Variants in MYSM1 observed in about 807,000 individuals in gnomAD.
MYSM1 encodes Myb like, SWIRM and MPN domains 1.
A neutral mutation model predicts 116.0 loss-of-function variants in MYSM1; 51 were observed. That is an observed-to-expected ratio of 0.44 (90% CI 0.35 to 0.56). The LOEUF (loss-of-function observed/expected upper bound fraction) is 0.56. Ranked by LOEUF, MYSM1 falls within the 20% of genes least tolerant of loss-of-function variation. The probability of loss-of-function intolerance (pLI) is 0.00; values close to 1 mark genes in which losing one functional copy is unlikely to be tolerated. For synonymous variants in MYSM1, 313 were observed against 315.2 expected, an observed-to-expected ratio of 0.99 and a Z score of 0.07; for missense variants, 900 against 974.9, an observed-to-expected ratio of 0.92 and a Z score of 1.02.
In MYSM1 at chr1:58,695,111, T is replaced by C. The variant is rs770205889; in HGVS notation, c.147+18A>G. 6 of 1,526,340 alleles carry C rather than the reference T, an allele frequency of 3.9e-6. No individual in the cohort carries two copies. In the Admixed American group the frequency reaches 5.0e-5, roughly 13 times the overall value. The allele number at this position is 1,526,340 out of a possible 1,614,324, so 94.5% of individuals were successfully genotyped here. A position where few individuals can be genotyped will look rare whatever the true frequency, so the allele number is the denominator to read the frequency against. ...AAATAACAGCTTAATGCACCTGATA[T>C]TTTTATAAAATACTTACAATAAGGC... On this transcript the variant is annotated intron_variant, in intron 2 of 19. Transcript: ENST00000472487.
At position 58,665,613 on chromosome 1, in the gene MYSM1, C is replaced by T. The variant is rs759777272; in HGVS notation, c.2050G>A (p.Gly684Ser). ...AKYQSYFSRG[G>S]AKFIGMIVSP... ...ACAATCATCCCAATGAACTTTGCACCTCCTCTGGAGAAGTAACTCTACAAT... is the reference window on the plus strand; with the variant it reads ...ACAATCATCCCAATGAACTTTGCACTTCCTCTGGAGAAGTAACTCTACAAT... The change falls in exon 17 of 20, where the codon GGT becomes AGT. Residue 684 changes from glycine (G) to serine (S), a missense_variant. Around this residue, in one of 3 missense-constraint regions of MYSM1, gnomAD observed 186 missense variants for 196.2 expected, o/e 0.95. Coordinates refer to ENST00000472487, the MANE Select transcript of MYSM1 (RefSeq NM_001085487.3). 1 of 1,564,812 alleles carries T rather than the reference C, an allele frequency of 6.4e-7. No homozygotes were observed. Among genetic ancestry groups the T allele is most frequent in the South Asian group, 1.1e-5 (1 of 87,926 alleles).
chr1:58,656,820 C>T lies in MYSM1; in HGVS notation c.*3177G>A, dbSNP rs529968913. ...AGGCCCACAGTTTTTTAGAAGCCCACAAAAATGTTTTAATTTTTTTTAGCC... is the reference window on the plus strand; with the variant it reads ...AGGCCCACAGTTTTTTAGAAGCCCATAAAAATGTTTTAATTTTTTTTAGCC... On this transcript the variant is annotated 3_prime_UTR_variant, in exon 20 of 20. Transcript: ENST00000472487. 4 of 152,194 alleles carry T rather than the reference C, an allele frequency of 2.6e-5. No homozygotes were observed. In the East Asian group the frequency reaches 7.7e-4, roughly 29 times the overall value. The allele number at this position is 152,194 out of a possible 1,614,324, so 9.4% of individuals were successfully genotyped here.
intron 17 of MYSM1, among the ~76,000 whole-genome samples, chr1:58,662,597 G>C (rs975204252): frequency 2.0e-5 from 3 of 150,722 alleles, no homozygotes; most frequent in African/African-American, 7.3e-5. Flanking sequence ...ACATAATACT[G>C]CCTCAACTGG....
intron 1 of MYSM1, among the ~76,000 whole-genome samples, chr1:58,699,251 G>C (rs1358276431): frequency 6.6e-6 from 1 of 152,156 alleles, no homozygotes; most frequent in Non-Finnish European, 1.5e-5. Context: ...TCCCTTACTG[G>C]ATTCTCACAG....
chr1:58,692,877 T>G lies in MYSM1; in HGVS notation c.202A>C (p.Met68Leu). The stretch of plus-strand genomic sequence containing the variant: ...AAAGGATACTCTTCTTCCAACAACA[T>G]TTTCTCAATAACAGCTCTGTTCTCT... ...SEENRAVIEK[M>L]LLEEEYYLSK... The change falls in exon 3 of 20, where the codon ATG becomes CTG. Residue 68 changes from methionine to leucine, a missense_variant. Coordinates refer to ENST00000472487, the MANE Select transcript of MYSM1 (RefSeq NM_001085487.3). 6.2e-7 allele frequency: 1 copy of G among 1,609,994 alleles called. No homozygotes were observed. Among genetic ancestry groups the G allele is most frequent in the Non-Finnish European group, 8.5e-7 (1 of 1,178,374 alleles).
chr1:58,700,028 C>A lies in MYSM1; in HGVS notation c.25G>T (p.Asp9Tyr), dbSNP rs1330125321. 6.2e-7 allele frequency: 1 copy of A among 1,613,782 alleles called. No homozygotes were observed. The highest frequency in any genetic ancestry group is 1.7e-5 in the Admixed American group (1 of 60,028). The change falls in exon 1 of 20, where the codon GAT becomes TAT. Residue 9 changes from aspartate to tyrosine, a missense_variant. Around this residue, in one of 3 missense-constraint regions of MYSM1, gnomAD observed 622 missense variants for 623.7 expected, o/e 1.00. Coordinates refer to ENST00000472487, the MANE Select transcript of MYSM1 (RefSeq NM_001085487.3). MAAEEADVDIEGDVVAAAG... is the reference protein window; with the variant it reads MAAEEADVYIEGDVVAAAG... ...GCCGCTACCACGTCCCCTTCGATATCCACATCCGCCTCTTCAGCCGCCATG... is the reference window on the plus strand; with the variant it reads ...GCCGCTACCACGTCCCCTTCGATATACACATCCGCCTCTTCAGCCGCCATG...
chr1:58,692,960 T>C lies in MYSM1; in HGVS notation c.148-29A>G, dbSNP rs12097333. 904,587 of 1,537,406 alleles carry C rather than the reference T, an allele frequency of 0.59. 267,942 individuals are homozygous for C. The highest frequency in any genetic ancestry group is 0.62 in the East Asian group (27,178 of 43,766). On this transcript the variant is annotated intron_variant, in intron 2 of 19. Transcript: ENST00000472487. Reference sequence around the variant, plus strand: ...TTAAAAAAGAGAATATATTTGTCTTTTTATTTATTGCTTTTTGAAATTATC... The same window carrying C: ...TTAAAAAAGAGAATATATTTGTCTTCTTATTTATTGCTTTTTGAAATTATC...
rs557362469 is a variant in MYSM1 at position 58,664,574 on chromosome 1, T to G, written c.2164+925A>C. Among the ~76,000 whole-genome samples, 835 of 152,310 alleles carry G rather than the reference T, an allele frequency of 5.5e-3. 5 individuals are homozygous for G. Among genetic ancestry groups the G allele is most frequent in the African/African-American group, 0.019 (772 of 41,568 alleles). On this transcript the variant is annotated intron_variant, in intron 17 of 19. Coordinates refer to ENST00000472487, the MANE Select transcript of MYSM1 (RefSeq NM_001085487.3). ...GATACATAAAGAATAAAGCAACTAA[T>G]AGTAAATAACATGGGGGCAGTGCTG...
At chr1:58,673,778 C>A in intron 10 of MYSM1, 128 bp from the exon 11 acceptor site, 2 of 742,766 alleles carry the variant, frequency 2.7e-6, no homozygotes, top group Non-Finnish European at 4.4e-6. Context: ...AATAGTATAA[C>A]CTCTGGCAAT....
chr1:58,691,723 C>T (rs955534253), intron 3 of MYSM1, among the ~76,000 whole-genome samples: 5 of 151,996 alleles, frequency 3.3e-5, no homozygotes, highest in Non-Finnish European at 2.9e-5. Context: ...AAAAATCAGC[C>T]AGGTGTGGTG....
chr1:58,676,290 C>T (rs1377826848), intron 9 of MYSM1, among the ~76,000 whole-genome samples: 2 of 151,856 alleles, frequency 1.3e-5, no homozygotes, highest in African/African-American at 4.8e-5. Flanking sequence ...GTGGCATGCG[C>T]CTGTAGTCCC....
At chr1:58,667,322 G>A in intron 15 of MYSM1, 96 bp from the exon 16 acceptor site, 1 of 922,626 alleles carries the variant, frequency 1.1e-6, no homozygotes, top group Non-Finnish European at 1.5e-6. Context: ...AACTTTTCAA[G>A]GCCAAGACTT....
intron 10 of MYSM1, 144 bp downstream of exon 10, chr1:58,675,333 G>T: frequency 1.7e-6 from 1 of 592,952 alleles, no homozygotes; most frequent in Non-Finnish European, 2.9e-6. Flanking sequence ...ACCCAGAAAA[G>T]CGAATTGCTA....
At chr1:58,688,652 G>A (rs1644862116) in intron 6 of MYSM1, among the ~76,000 whole-genome samples, 1 of 150,860 alleles carries the variant, frequency 6.6e-6, no homozygotes, top group African/African-American at 2.4e-5. Flanking sequence ...AAACTCAGCT[G>A]ATCACCCCAA....
intron 10 of MYSM1, 94 bp from the exon 11 acceptor site, chr1:58,673,744 A>C: frequency 9.8e-7 from 1 of 1,015,302 alleles, no homozygotes. Flanking sequence ...TAATTATCTA[A>C]AAGTCAATTA....
rs371429400 is a variant in MYSM1, at chr1:58,686,127, G to C, written c.400-876C>G. 1.3e-3 allele frequency among the ~76,000 whole-genome samples: 205 copies of C among 151,926 alleles called. 5 individuals carry two copies. In the South Asian group the frequency reaches 0.041, roughly 30 times the overall value. Reference sequence around the variant, plus strand: ...TTTTGTAGAGATGGGGTCTCACTATGTTGCCTACCCTCCAACTAATGCCTT... The same window carrying C: ...TTTTGTAGAGATGGGGTCTCACTATCTTGCCTACCCTCCAACTAATGCCTT... On this transcript the variant is annotated intron_variant, in intron 6 of 19. Transcript: ENST00000472487.
intron 6 of MYSM1, among the ~76,000 whole-genome samples, chr1:58,687,013 A>C (rs926991180): frequency 2.0e-5 from 3 of 151,870 alleles, no homozygotes; most frequent in African/African-American, 7.2e-5. Context: ...AATATTCACC[A>C]GTTTCAAAAT....
chr1:58,672,983 G>C (rs1644586768), intron 11 of MYSM1, among the ~76,000 whole-genome samples: 1 of 152,140 alleles, frequency 6.6e-6, no homozygotes, highest in Admixed American at 6.5e-5. Context: ...TGCATGCAAG[G>C]CTTACTGAAT....
chr1:58,680,794 C>T (rs531711213), intron 8 of MYSM1, among the ~76,000 whole-genome samples: 1 of 151,722 alleles, frequency 6.6e-6, no homozygotes, highest in Non-Finnish European at 1.5e-5. Flanking sequence ...GCTTCTGAAA[C>T]AGAATTAGCA....
Sources: allele counts gnomAD v4.1 joint callset (sites outside exome capture counted in the v4.1 genomes callset), GRCh38; gene constraint gnomAD v4.1.1; regional missense constraint gnomAD v4.1.1; transcripts MANE v1.5; gene names NCBI Gene and HGNC (gene_info 2026-07-23, HGNC 2026-07-21).